Variants in MYCBP2 observed in about 807,000 individuals in gnomAD.
MYCBP2 encodes MYC binding protein 2, also known as E3 ubiquitin-protein ligase MYCBP2.
A neutral mutation model predicts 525.3 loss-of-function variants in MYCBP2; 120 were observed. That is an observed-to-expected ratio of 0.23 (90% CI 0.20 to 0.27). The LOEUF is 0.27. Ranked by LOEUF, MYCBP2 falls within the 10% of genes least tolerant of loss-of-function variation. The probability of loss-of-function intolerance (pLI) is 1.00; values close to 1 mark genes in which losing one functional copy is unlikely to be tolerated. For synonymous variants in MYCBP2, 1,894 were observed against 1,955.8 expected, an observed-to-expected ratio of 0.97 and a Z score of 0.83; for missense variants, 4,149 against 5,657.1, an observed-to-expected ratio of 0.73 and a Z score of 8.55.
intron 3 of MYCBP2, among the ~76,000 whole-genome samples, chr13:77,287,454 G>A (rs953510271): frequency 6.6e-6 from 1 of 152,126 alleles, no homozygotes; most frequent in Admixed American, 6.5e-5. Flanking sequence ...CAAAGTGCTG[G>A]GATTACAGGT....
At position 77,232,743 on chromosome 13, in the gene MYCBP2, T is replaced by G. The variant is rs946746001; in HGVS notation, c.2737+413A>C. On this transcript the variant is annotated intron_variant, in intron 18 of 82. Coordinates refer to ENST00000544440, the MANE Select transcript of MYCBP2 (RefSeq NM_015057.5). ...TGGCAGTCTTATTATCATCATTTAA[T>G]ATACTGAATTTAGTAATATTGTTTA... is the stretch of plus-strand genomic sequence containing the variant. Among the ~76,000 whole-genome samples, 7 of 152,180 alleles carry G rather than the reference T, an allele frequency of 4.6e-5. No homozygotes were observed. The South Asian group carries it at 1.0e-3, about 23-fold the overall frequency.
intron 2 of MYCBP2, among the ~76,000 whole-genome samples, chr13:77,294,734 C>T (rs563209192): frequency 3.2e-4 from 48 of 152,182 alleles, no homozygotes; most frequent in Non-Finnish European, 2.1e-4. Context: ...ATTGACAATG[C>T]GCTCCACTTC....
intron 23 of MYCBP2, among the ~76,000 whole-genome samples, chr13:77,208,954 G>A (rs1036752657): frequency 4.6e-5 from 7 of 152,062 alleles, no homozygotes; most frequent in African/African-American, 7.2e-5. Flanking sequence ...CAGGCCAGAA[G>A]GAAAGTCAAA....
intron 54 of MYCBP2, among the ~76,000 whole-genome samples, chr13:77,123,871 T>G (rs910781914): frequency 6.6e-6 from 1 of 152,190 alleles, no homozygotes; most frequent in Non-Finnish European, 1.5e-5. Context: ...AAGAAAAATG[T>G]TTAAAAATTT....
At chr13:77,120,561 G>A (rs1358910272) in intron 55 of MYCBP2, among the ~76,000 whole-genome samples, 3 of 151,978 alleles carry the variant, frequency 2.0e-5, no homozygotes, top group African/African-American at 7.3e-5. Flanking sequence ...TTATTTCCAC[G>A]TAAGCTATCT....
At position 77,185,019 on chromosome 13, in the gene MYCBP2, G is replaced by A. The variant is rs141062318; in HGVS notation, c.4719+84C>T. On this transcript the variant is annotated intron_variant, in intron 32 of 82. Transcript: ENST00000544440. ...ATTTATCTTTTATACAAGTTAAGAAGATATGGCAACTGCAATTTATTTTCT... is the reference window on the plus strand; with the variant it reads ...ATTTATCTTTTATACAAGTTAAGAAAATATGGCAACTGCAATTTATTTTCT... 2.6e-4 allele frequency: 324 copies of A among 1,236,868 alleles called. 1 individual carries two copies. The African/African-American group carries it at 3.7e-3, about 14-fold the overall frequency. 76.6% of individuals were successfully genotyped at this position (1,236,868 alleles called of 1,614,324 possible). A position where few individuals can be genotyped will look rare whatever the true frequency, so the allele number is the denominator to read the frequency against.
At chr13:77,217,720 A>C in intron 21 of MYCBP2, 120 bp downstream of exon 21, 2 of 523,624 alleles carry the variant, frequency 3.8e-6, no homozygotes, top group South Asian at 4.2e-5. Context: ...AAATATGCAT[A>C]TGTAACAATT....
chr13:77,219,168 AG>A (rs2065210257), intron 20 of MYCBP2, among the ~76,000 whole-genome samples: 2 of 152,190 alleles, frequency 1.3e-5, no homozygotes, highest in African/African-American at 4.8e-5. Flanking sequence ...AGACCGAGGA[AG>A]AACAGCTCAC....
In MYCBP2 at chr13:77,268,082, A is replaced by G. The variant is rs74098729; in HGVS notation, c.1261-145T>C. The G allele has an allele frequency of 9.7e-3, 5,685 of 587,086 alleles. 251 individuals carry two copies. Among genetic ancestry groups the G allele is most frequent in the African/African-American group, 0.092 (4,913 of 53,488 alleles). The allele number at this position is 587,086 out of a possible 1,614,324, so 36.4% of individuals were successfully genotyped here. ...AAAAGATATTAATGATTAAAAATAT[A>G]AGAACATTCCTCTCAATTAGAGGAA... On this transcript the variant is annotated intron_variant, in intron 7 of 82. Coordinates refer to ENST00000544440, the MANE Select transcript of MYCBP2 (RefSeq NM_015057.5).
chr13:77,105,599 T>C (rs373814105), intron 55 of MYCBP2, among the ~76,000 whole-genome samples: 7 of 151,976 alleles, frequency 4.6e-5, no homozygotes, highest in Admixed American at 1.3e-4. Context: ...ATGAGATACA[T>C]TGATATCTAT....
Position 77,171,516 on chromosome 13 carries a change from G to A in MYCBP2, c.5770C>T (p.Leu1924=), listed in dbSNP as rs748008745. The A allele has an allele frequency of 6.2e-7, 1 of 1,614,106 alleles. No homozygotes were observed. The change falls in exon 38 of 83, where the codon CTG becomes TTG. Residue 1924 remains leucine (L), a synonymous_variant. Coordinates refer to ENST00000544440, the MANE Select transcript of MYCBP2 (RefSeq NM_015057.5). ...STVVRASKDL[L]HRALAVDADD... The stretch of plus-strand genomic sequence containing the variant: ...CCATCCACAGCAAGAGCTCTGTGCA[G>A]GAGGTCCTTAGAGGCTCGAACGACA...
Position 77,087,530 on chromosome 13 carries a change from T to A in MYCBP2, c.10829A>T (p.Glu3610Val). 6.2e-7 allele frequency: 1 copy of A among 1,613,206 alleles called. No homozygotes were observed. The highest frequency in any genetic ancestry group is 8.5e-7 in the Non-Finnish European group (1 of 1,179,542). ...SLTPAPVEPEEEEDEENKTSK... is the reference protein window; with the variant it reads ...SLTPAPVEPEVEEDEENKTSK... ...TGTTTTATTTTCTTCATCCTCTTCT[T>A]CCTCTGGTTCCACTGGTGCAGGAGT... The change falls in exon 62 of 83, where the codon GAA becomes GTA. Residue 3610 changes from glutamate (E) to valine (V), a missense_variant. Glu to Val is a moderately radical substitution (Grantham distance 121). Transcript: ENST00000544440.
At chr13:77,313,896 G>A (rs9600857) in intron 1 of MYCBP2, among the ~76,000 whole-genome samples, 7 of 151,266 alleles carry the variant, frequency 4.6e-5, no homozygotes, top group Non-Finnish European at 5.9e-5. Context: ...GCAAATAAGC[G>A]TTATGAAAAG....
intron 21 of MYCBP2, among the ~76,000 whole-genome samples, chr13:77,216,709 A>G (rs1168718746): frequency 2.0e-5 from 3 of 152,230 alleles, no homozygotes; most frequent in Middle Eastern, 3.2e-3. Flanking sequence ...AAAAATGTCA[A>G]TGTTATAATA....
intron 49 of MYCBP2, chr13:77,144,124 C>T (rs763938495): frequency 2.9e-5 from 8 of 277,904 alleles, no homozygotes; most frequent in Non-Finnish European, 4.8e-5. Flanking sequence ...TTTCTGCTCA[C>T]AGTCAGGAGA....
chr13:77,126,315 T>C lies in MYCBP2; in HGVS notation c.7884+3A>G. The C allele has an allele frequency of 6.2e-7, 1 of 1,612,228 alleles. No individual in the cohort carries two copies. The highest frequency in any genetic ancestry group is 8.5e-7 in the Non-Finnish European group (1 of 1,178,502). On this transcript the variant is annotated splice_donor_region_variant and intron_variant, in intron 53 of 82. Transcript: ENST00000544440. Reference sequence around the variant, plus strand: ...GAAGTCATGAAGCTACAAGAATCCATACCTCTCCCACTGCTTTGACTTTGT... The same window carrying C: ...GAAGTCATGAAGCTACAAGAATCCACACCTCTCCCACTGCTTTGACTTTGT...
chr13:77,243,189 C>A, intron 16 of MYCBP2, 29 bp from the exon 17 acceptor site: 1 of 1,477,932 alleles, frequency 6.8e-7, no homozygotes, highest in East Asian at 2.3e-5. Flanking sequence ...ACAACAACAA[C>A]AACAACATAT....
intron 13 of MYCBP2, among the ~76,000 whole-genome samples, chr13:77,260,044 C>T (rs1332230693): frequency 6.6e-6 from 1 of 152,158 alleles, no homozygotes; most frequent in Non-Finnish European, 1.5e-5. Flanking sequence ...TCATCCCAGC[C>T]AAACACCCTA....
intron 49 of MYCBP2, among the ~76,000 whole-genome samples, chr13:77,141,613 A>C (rs1418620420): frequency 6.6e-6 from 1 of 152,044 alleles, no homozygotes; most frequent in East Asian, 1.9e-4. Flanking sequence ...TCTACTAAAA[A>C]TACAAAAATT....
Sources: allele counts gnomAD v4.1 joint callset (sites outside exome capture counted in the v4.1 genomes callset), GRCh38; gene constraint gnomAD v4.1.1; transcripts MANE v1.5; gene names NCBI Gene and HGNC (gene_info 2026-07-23, HGNC 2026-07-21).